The following SRSF6 variants were observed in gnomAD, a reference collection of about 807,000 sequenced individuals.
SRSF6 encodes the protein serine and arginine rich splicing factor 6.
SRSF6 carries 17 observed loss-of-function variants against 42.0 expected under a neutral mutation model. The ratio of observed to expected loss-of-function variants is 0.40; its 90% confidence interval spans 0.28 to 0.61. The LOEUF is 0.61. SRSF6 is among the 20% of genes least tolerant of loss of function. The pLI is 0.37. For synonymous variants in SRSF6, 204 were observed against 166.7 expected (o/e 1.22, Z -1.72); for missense variants, 379 against 471.4 (o/e 0.80, Z 1.81).
Position 43,461,689 on chromosome 20 carries a change from A to G in SRSF6, c.*626A>G, listed in dbSNP as rs2145326624. 1 of 152,742 alleles carries G rather than the reference A, an allele frequency of 6.5e-6. No individual in the cohort carries two copies. Among genetic ancestry groups the G allele is most frequent in the East Asian group, 1.9e-4 (1 of 5,188 alleles). 9.5% of individuals were successfully genotyped at this position (152,742 alleles called of 1,614,324 possible). A position where few individuals can be genotyped will look rare whatever the true frequency, so the allele number is the denominator to read the frequency against. On this transcript the variant is annotated 3_prime_UTR_variant, in exon 6 of 6. Coordinates refer to ENST00000244020, the MANE Select transcript of SRSF6 (RefSeq NM_006275.6). ...AGCAATAAATTACTCAGTTTGGATAACATTATTTTGTGCAGTTAATCAAAT... is the reference window on the plus strand; with the variant it reads ...AGCAATAAATTACTCAGTTTGGATAGCATTATTTTGTGCAGTTAATCAAAT...
In SRSF6 at chr20:43,461,640, T is replaced by C. The variant is rs1384367578; in HGVS notation, c.*577T>C. On this transcript the variant is annotated 3_prime_UTR_variant, in exon 6 of 6. Coordinates refer to ENST00000244020, the MANE Select transcript of SRSF6 (RefSeq NM_006275.6). ...GGAAACAACGTAAATTCTACTTAAG[T>C]GTAAACAAGGCAAGCCTCAGACCAG... 1.3e-5 allele frequency: 2 copies of C among 152,622 alleles called. No homozygotes were observed. The highest frequency in any genetic ancestry group is 1.5e-5 in the Non-Finnish European group (1 of 68,044). The allele number at this position is 152,622 out of a possible 1,614,324, so 9.5% of individuals were successfully genotyped here. A position where few individuals can be genotyped will look rare whatever the true frequency, so the allele number is the denominator to read the frequency against.
chr20:43,460,819 G>C lies in SRSF6; in HGVS notation c.791G>C (p.Arg264Thr). The C allele has an allele frequency of 6.2e-7, 1 of 1,614,164 alleles. No homozygotes were observed. Among genetic ancestry groups the C allele is most frequent in the Non-Finnish European group, 8.5e-7 (1 of 1,180,038 alleles). ...GGCTCCCATTCACATTCTCGAAGCA[G>C]ATCTAAGGATGAGTATGAGAAATCT... is the stretch of plus-strand genomic sequence containing the variant. ...DRGSHSHSRS[R>T]SKDEYEKSRS... Residue 264 changes from arginine to threonine, a missense_variant, in exon 6 of 6, where the codon AGA becomes ACA. Arg to Thr is a moderately conservative substitution (Grantham distance 71, BLOSUM62 -1). This residue lies in a region of SRSF6 where 219 missense variants were observed against 216.1 expected (regional missense o/e 1.01). Coordinates refer to ENST00000244020, the MANE Select transcript of SRSF6 (RefSeq NM_006275.6).
In SRSF6 at chr20:43,461,484, A is replaced by AT. The variant is rs1568901940; in HGVS notation, c.*425dup. 2 of 154,554 alleles carry AT rather than the reference A, an allele frequency of 1.3e-5. No homozygotes were observed. The highest frequency in any genetic ancestry group is 2.9e-5 in the Non-Finnish European group (2 of 69,882). 9.6% of individuals were successfully genotyped at this position (154,554 alleles called of 1,614,324 possible). On this transcript the variant is annotated 3_prime_UTR_variant, in exon 6 of 6. Coordinates refer to ENST00000244020, the MANE Select transcript of SRSF6 (RefSeq NM_006275.6). ...CTTAAGGCTTTAGAGGGAGAACCCA[A>AT]TTTTCAATTATGTTGGCTTTTTATA...
Position 43,461,077 on chromosome 20 carries a change from G to T in SRSF6, c.*14G>T, listed in dbSNP as rs1430423739. ...TCCAGAGATTAACTCAGAACTCCTT[G>T]TTTGCACATTATTATGGAACACTTT... On this transcript the variant is annotated 3_prime_UTR_variant, in exon 6 of 6. Transcript: ENST00000244020. 4.5e-6 allele frequency: 7 copies of T among 1,544,078 alleles called. No homozygotes were observed. The highest frequency in any genetic ancestry group is 6.1e-6 in the Non-Finnish European group (7 of 1,148,136).
chr20:43,458,479 G>T lies in SRSF6; in HGVS notation c.226G>T (p.Asp76Tyr). The T allele has an allele frequency of 6.6e-7, 1 of 1,512,084 alleles. No homozygotes were observed. Among genetic ancestry groups the T allele is most frequent in the Non-Finnish European group, 8.8e-7 (1 of 1,135,474 alleles). The allele number at this position is 1,512,084 out of a possible 1,614,324, so 93.7% of individuals were successfully genotyped here. A position where few individuals can be genotyped will look rare whatever the true frequency, so the allele number is the denominator to read the frequency against. ...IVEHARGPRRDRDGYSYGSRS... is the reference protein window; with the variant it reads ...IVEHARGPRRYRDGYSYGSRS... ...AGAGCACGCCCGGGGCCCGCGTCGC[G>T]ATCGCGACGGCTACAGCTACGGAAG... The change falls in exon 2 of 6, where the codon GAT (aspartate) becomes TAT (tyrosine). Residue 76 changes from aspartate to tyrosine, a missense_variant. This residue lies in a region of SRSF6 where 117 missense variants were observed against 146.8 expected (regional missense o/e 0.80). Coordinates refer to ENST00000244020, the MANE Select transcript of SRSF6 (RefSeq NM_006275.6).
At chr20:43,458,588 G>A (rs1489827199) in intron 2 of SRSF6, 79 bp downstream of exon 2, 3 of 1,361,588 alleles carry the variant, frequency 2.2e-6, no homozygotes, top group Admixed American at 7.5e-5. Context: ...TCCCAGCCCG[G>A]GCAGGCGCGA....
intron 4 of SRSF6, 131 bp from the exon 5 acceptor site, chr20:43,460,384 A>T: frequency 8.1e-7 from 1 of 1,240,384 alleles, no homozygotes; most frequent in Non-Finnish European, 1.1e-6. Flanking sequence ...TCTTTTCTGG[A>T]TGTTTTGAAC....
rs79673399 is a variant in SRSF6 at position 43,464,086 on chromosome 20, C to A, written c.*3023C>A. ...CTTTAATACATGGTAATACAGAGATCGGCTTTAAATGGCTGGCTGGTTACT... is the reference window on the plus strand; with the variant it reads ...CTTTAATACATGGTAATACAGAGATAGGCTTTAAATGGCTGGCTGGTTACT... On this transcript the variant is annotated 3_prime_UTR_variant, in exon 6 of 6. Transcript: ENST00000244020. The A allele has an allele frequency of 6.6e-6, 1 of 152,134 alleles. No individual in the cohort carries two copies. Among genetic ancestry groups the A allele is most frequent in the South Asian group, 2.1e-4 (1 of 4,826 alleles). 9.4% of individuals were successfully genotyped at this position (152,134 alleles called of 1,614,324 possible).
In SRSF6 at chr20:43,457,969, C is replaced by CTGG; in HGVS notation, c.-65_-64insTGG. 7.2e-7 allele frequency: 1 copy of CTGG among 1,395,232 alleles called. No homozygotes were observed. Among genetic ancestry groups the CTGG allele is most frequent in the Middle Eastern group, 2.5e-4 (1 of 4,054 alleles). 86.4% of individuals were successfully genotyped at this position (1,395,232 alleles called of 1,614,324 possible). ...GGCTCTTGCCGTCCCCGCACCCGCA[C>CTGG]CGCGGTTACTGGCTTGCGGTCCGCC... is the stretch of plus-strand genomic sequence containing the variant. On this transcript the variant is annotated 5_prime_UTR_variant, in exon 1 of 6. Transcript: ENST00000244020.
chr20:43,461,300 A>G lies in SRSF6; in HGVS notation c.*237A>G, dbSNP rs2017585996. ...ACTTTGATTTTATAGCTTTTGAGCT[A>G]ACGTAACTTTTGTAAAGATTAAGCT... On this transcript the variant is annotated 3_prime_UTR_variant, in exon 6 of 6. Coordinates refer to ENST00000244020, the MANE Select transcript of SRSF6 (RefSeq NM_006275.6). 2 of 231,876 alleles carry G rather than the reference A, an allele frequency of 8.6e-6. No homozygotes were observed. The highest frequency in any genetic ancestry group is 6.8e-5 in the Admixed American group (1 of 14,726). The allele number at this position is 231,876 out of a possible 1,614,324, so 14.4% of individuals were successfully genotyped here. A position where few individuals can be genotyped will look rare whatever the true frequency, so the allele number is the denominator to read the frequency against.
At position 43,457,971 on chromosome 20, in the gene SRSF6, G is replaced by A; in HGVS notation, c.-63G>A. On this transcript the variant is annotated 5_prime_UTR_variant, in exon 1 of 6. Transcript: ENST00000244020. ...CTCTTGCCGTCCCCGCACCCGCACCGCGGTTACTGGCTTGCGGTCCGCCGT... is the reference window on the plus strand; with the variant it reads ...CTCTTGCCGTCCCCGCACCCGCACCACGGTTACTGGCTTGCGGTCCGCCGT... 7.1e-7 allele frequency: 1 copy of A among 1,406,114 alleles called. No individual in the cohort carries two copies. Among genetic ancestry groups the A allele is most frequent in the South Asian group, 1.2e-5 (1 of 84,080 alleles). The allele number at this position is 1,406,114 out of a possible 1,614,324, so 87.1% of individuals were successfully genotyped here. A position where few individuals can be genotyped will look rare whatever the true frequency, so the allele number is the denominator to read the frequency against.
Position 43,459,981 on chromosome 20 carries a change from A to G in SRSF6, c.382-52A>G, listed in dbSNP as rs150123036. ...ATATTCTTATTTCTGGGAATTTATT[A>G]TGGTATATAGATGTTTTAAGATTTC... is the stretch of plus-strand genomic sequence containing the variant. On this transcript the variant is annotated intron_variant, in intron 3 of 5. Transcript: ENST00000244020. 248 of 1,608,090 alleles carry G rather than the reference A, an allele frequency of 1.5e-4. No individual in the cohort carries two copies. The African/African-American group carries it at 2.9e-3, about 19-fold the overall frequency.
chr20:43,458,199 T>A (rs1230360268), intron 1 of SRSF6, 59 bp downstream of exon 1: 8 of 1,556,146 alleles, frequency 5.1e-6, no homozygotes, highest in Non-Finnish European at 7.0e-6. Context: ...GCGGGAACTC[T>A]CCAAGGAAAG....
At position 43,458,012 on chromosome 20, in the gene SRSF6, T is replaced by G; in HGVS notation, c.-22T>G. On this transcript the variant is annotated 5_prime_UTR_variant, in exon 1 of 6. Coordinates refer to ENST00000244020, the MANE Select transcript of SRSF6 (RefSeq NM_006275.6). ...GGTCCGCCGTTCGACAACCAGCCCT[T>G]GGGTCCCCGCCCGCCACGGACATGC... The G allele has an allele frequency of 6.2e-7, 1 of 1,602,344 alleles. No individual in the cohort carries two copies. Among genetic ancestry groups the G allele is most frequent in the Non-Finnish European group, 8.5e-7 (1 of 1,174,160 alleles).
Position 43,462,001 on chromosome 20 carries a change from T to TAA in SRSF6, c.*939_*940insAA, listed in dbSNP as rs2017609233. The stretch of plus-strand genomic sequence containing the variant: ...CCTCTTTTTGTTCTGAAATTGAGTT[T>TAA]ATTCAAAGTGTAAAAGCACATACTG... On this transcript the variant is annotated 3_prime_UTR_variant, in exon 6 of 6. Coordinates refer to ENST00000244020, the MANE Select transcript of SRSF6 (RefSeq NM_006275.6). 1 of 152,228 alleles carries TAA rather than the reference T, an allele frequency of 6.6e-6. No homozygotes were observed. Among genetic ancestry groups the TAA allele is most frequent in the Non-Finnish European group, 1.5e-5 (1 of 68,034 alleles). 9.4% of individuals were successfully genotyped at this position (152,228 alleles called of 1,614,324 possible).
chr20:43,460,886 G>A lies in SRSF6; in HGVS notation c.858G>A (p.Lys286=), dbSNP rs752763739. Residue 286 remains lysine (K), a synonymous_variant, in exon 6 of 6, where the codon AAG becomes AAA. Coordinates refer to ENST00000244020, the MANE Select transcript of SRSF6 (RefSeq NM_006275.6). The stretch of plus-strand genomic sequence containing the variant: ...CCCGATCCCCTAAAGAAAATGGAAA[G>A]GGTGATATAAAGTCAAAATCCAGAT... ...SRSRSPKENG[K]GDIKSKSRSR... is the part of the protein sequence containing the mutation. 4 of 1,614,136 alleles carry A rather than the reference G, an allele frequency of 2.5e-6. No homozygotes were observed. The South Asian group carries it at 4.4e-5, about 18-fold the overall frequency.
chr20:43,460,661 A>C (rs200201103), intron 5 of SRSF6, 42 bp from the exon 6 acceptor site: 2 of 1,612,314 alleles, frequency 1.2e-6, no homozygotes, highest in African/African-American at 2.7e-5. Flanking sequence ...GTATGTGTAC[A>C]TTCTCACTAA....
intron 5 of SRSF6, 31 bp from the exon 6 acceptor site, chr20:43,460,672 G>A (rs191529117): frequency 1.9e-6 from 3 of 1,612,198 alleles, no homozygotes; most frequent in Admixed American, 1.7e-5. Flanking sequence ...TTCTCACTAA[G>A]TATTGAGAAA....
At position 43,460,121 on chromosome 20, in the gene SRSF6, C is replaced by T; in HGVS notation, c.470C>T (p.Ser157Phe). 6.2e-7 allele frequency: 1 copy of T among 1,614,218 alleles called. No homozygotes were observed. Among genetic ancestry groups the T allele is most frequent in the Non-Finnish European group, 8.5e-7 (1 of 1,180,044 alleles). Reference protein sequence around the residue: ...NEGVIEFRSYSDMKRALDKLD... With the variant: ...NEGVIEFRSYFDMKRALDKLD... ...GGTGTAATTGAGTTTCGCTCCTACTCTGACATGAAGCGTGCTTTGGACAAA... is the reference window on the plus strand; with the variant it reads ...GGTGTAATTGAGTTTCGCTCCTACTTTGACATGAAGCGTGCTTTGGACAAA... Residue 157 changes from serine (S) to phenylalanine (F), a missense_variant, in exon 4 of 6, where the codon TCT (serine) becomes TTT (phenylalanine). Transcript: ENST00000244020.
Sources: gnomAD v4.1 joint callset for allele counts on GRCh38, gnomAD v4.1.1 for gene constraint, gnomAD v4.1.1 regional missense constraint, MANE v1.5 for transcripts, NCBI Gene and HGNC (gene_info 2026-07-23, HGNC 2026-07-21) for gene names.